EEFSEC: variants seen among roughly 807,000 people sequenced by gnomAD.
EEFSEC encodes the protein selenocysteine-specific elongation factor.
In EEFSEC, 43 loss-of-function variants were observed where a neutral mutation model predicts 42.1. The observed-to-expected ratio is 1.02, with a 90% CI of 0.80 to 1.32. EEFSEC has a LOEUF of 1.32. Ranked by LOEUF, EEFSEC falls within the 40% of genes most tolerant of loss-of-function variation. EEFSEC has a pLI of 0.00. For missense variants in EEFSEC, 745 were observed against 803.6 expected (o/e 0.93, Z 0.88); for synonymous variants, 354 against 339.1 (o/e 1.04, Z -0.48).
At chr3:128,347,847 A>C (rs2067331329) in intron 5 of EEFSEC, among the ~76,000 whole-genome samples, 1 of 152,226 alleles carries the variant, frequency 6.6e-6, no homozygotes, top group Admixed American at 6.5e-5. Flanking sequence ...GTGGCACTTC[A>C]GAGTCCATAT....
At chr3:128,380,545 A>G (rs2067763542) in intron 6 of EEFSEC, among the ~76,000 whole-genome samples, 2 of 152,116 alleles carry the variant, frequency 1.3e-5, no homozygotes. Context: ...CAGCTTTCAC[A>G]CTTTTCCTGC....
At chr3:128,367,596 A>AG in intron 6 of EEFSEC, 1 of 978,510 alleles carries the variant, frequency 1.0e-6, no homozygotes, top group Non-Finnish European at 1.2e-6. Context: ...GGCCTACCTC[A>AG]GGGATGCCGT....
intron 1 of EEFSEC, among the ~76,000 whole-genome samples, chr3:128,223,695 T>C (rs140451457): frequency 6.6e-6 from 1 of 152,254 alleles, no homozygotes; most frequent in East Asian, 1.9e-4. Context: ...AACACAGAAA[T>C]GTTGTATGAT....
chr3:128,304,876 G>A (rs2066809796), intron 4 of EEFSEC, among the ~76,000 whole-genome samples: 1 of 151,922 alleles, frequency 6.6e-6, no homozygotes, highest in South Asian at 2.1e-4. Context: ...GCTAATTTTT[G>A]TATTTTTTGT....
At chr3:128,275,581 G>C (rs1001668698) in intron 4 of EEFSEC, among the ~76,000 whole-genome samples, 1 of 152,218 alleles carries the variant, frequency 6.6e-6, no homozygotes, top group South Asian at 2.1e-4. Flanking sequence ...TCTTCATATG[G>C]GGAAGGCACT....
intron 1 of EEFSEC, among the ~76,000 whole-genome samples, chr3:128,160,453 T>G (rs1457883984): frequency 1.3e-5 from 2 of 152,080 alleles, no homozygotes; most frequent in East Asian, 3.9e-4. Context: ...AGAATGGCCC[T>G]TAGTGTAGAT....
intron 4 of EEFSEC, among the ~76,000 whole-genome samples, chr3:128,324,408 G>A (rs1267713799): frequency 1.3e-5 from 2 of 152,170 alleles, no homozygotes; most frequent in East Asian, 3.8e-4. Context: ...ACATCATGCT[G>A]TCTTTCAGGA....
Position 128,264,702 on chromosome 3 carries a change from G to T in EEFSEC, c.707G>T (p.Gly236Val), listed in dbSNP as rs1343690931. 3.1e-6 allele frequency: 5 copies of T among 1,613,946 alleles called. No homozygotes were observed. The highest frequency in any genetic ancestry group is 4.2e-6 in the Non-Finnish European group (5 of 1,179,980). Residue 236 changes from glycine to valine, a missense_variant, in exon 4 of 7, where the codon GGC (glycine) becomes GTC (valine). Gly to Val is a moderately radical substitution (Grantham distance 109). Coordinates refer to ENST00000254730, the MANE Select transcript of EEFSEC (RefSeq NM_021937.5). ...GTGGACCACTGTTTCTCCATCAAAG[G>T]CCAAGGCACTGTGATGACAGGGACC... ...MSVDHCFSIK[G>V]QGTVMTGTIL...
chr3:128,173,148 G>A (rs11706455), intron 1 of EEFSEC, among the ~76,000 whole-genome samples: 21,612 of 152,170 alleles, frequency 0.14, 1,750 homozygotes, highest in African/African-American at 0.22. Flanking sequence ...AAGGGTCTGG[G>A]TAGGAAAAGA....
At chr3:128,272,739 G>A (rs2066427710) in intron 4 of EEFSEC, among the ~76,000 whole-genome samples, 1 of 152,202 alleles carries the variant, frequency 6.6e-6, no homozygotes, top group African/African-American at 2.4e-5. Flanking sequence ...TCATCCCTGT[G>A]GATGAGTACA....
At chr3:128,286,825 A>C (rs573801036) in intron 4 of EEFSEC, among the ~76,000 whole-genome samples, 1 of 152,250 alleles carries the variant, frequency 6.6e-6, no homozygotes, top group South Asian at 2.1e-4. Context: ...CCATATGTGC[A>C]TATCTACCAT....
chr3:128,408,827 G>T (rs1250597010), downstream of EEFSEC, among the ~76,000 whole-genome samples: 1 of 152,216 alleles, frequency 6.6e-6, no homozygotes, highest in Non-Finnish European at 1.5e-5. Context: ...CCACTAGGTG[G>T]CTCCTGGGGC....
chr3:128,246,798 C>A, intron 1 of EEFSEC, 38 bp from the exon 2 acceptor site: 1 of 1,607,966 alleles, frequency 6.2e-7, no homozygotes, highest in Non-Finnish European at 8.5e-7. Context: ...GGCTCACCAC[C>A]CCTTTTCCCT....
At chr3:128,401,488 C>T (rs1213431859) in intron 6 of EEFSEC, among the ~76,000 whole-genome samples, 1 of 152,212 alleles carries the variant, frequency 6.6e-6, no homozygotes, top group Non-Finnish European at 1.5e-5. Flanking sequence ...AGGAGGATCT[C>T]ACTTGGCTGG....
intron 5 of EEFSEC, among the ~76,000 whole-genome samples, chr3:128,343,707 C>T (rs1021794410): frequency 6.6e-6 from 1 of 152,186 alleles, no homozygotes; most frequent in Admixed American, 6.5e-5. Flanking sequence ...CCTTTGAGAA[C>T]TGGGAGGGAG....
intron 5 of EEFSEC, among the ~76,000 whole-genome samples, chr3:128,343,268 C>G (rs2067275477): frequency 6.6e-6 from 1 of 152,166 alleles, no homozygotes; most frequent in Non-Finnish European, 1.5e-5. Context: ...CACTGGTTTT[C>G]TCGTCTGGAA....
chr3:128,372,576 C>T (rs557912891), intron 6 of EEFSEC, among the ~76,000 whole-genome samples: 19 of 152,290 alleles, frequency 1.2e-4, no homozygotes, highest in Admixed American at 3.3e-4. Flanking sequence ...TGGGGCAGGA[C>T]GGTGCTCCAG....
intron 1 of EEFSEC, among the ~76,000 whole-genome samples, chr3:128,203,063 G>T (rs539763315): frequency 2.0e-5 from 3 of 152,212 alleles, no homozygotes; most frequent in South Asian, 4.2e-4. Flanking sequence ...TGTTCATGTA[G>T]ATTTTTATTT....
chr3:128,180,101 GT>G (rs890380648), intron 1 of EEFSEC, among the ~76,000 whole-genome samples: 48 of 80,290 alleles, frequency 6.0e-4, no homozygotes, highest in African/African-American at 2.1e-3. Flanking sequence ...CATGTTTTTG[GT>G]TTTTTTTTGC....
Sources: gnomAD v4.1 joint callset for allele counts (sites outside exome capture counted in the v4.1 genomes callset) on GRCh38, gnomAD v4.1.1 for gene constraint, MANE v1.5 for transcripts, NCBI Gene and HGNC (gene_info 2026-07-23, HGNC 2026-07-21) for gene names.